Variants in RNF220 observed in about 807,000 individuals in gnomAD.
The protein encoded by RNF220 is ring finger protein 220.
Under a neutral mutation model 67.1 loss-of-function variants are expected in RNF220, and 7 were observed. That is an observed-to-expected ratio of 0.10 (90% CI 0.06 to 0.20). The LOEUF is 0.20. Ranked by LOEUF, RNF220 falls within the 10% of genes least tolerant of loss-of-function variation. The pLI is 1.00. For missense variants in RNF220, 565 were observed against 740.3 expected (o/e 0.76, Z 2.75); for synonymous variants, 270 against 283.2 (o/e 0.95, Z 0.47).
At chr1:44,475,637 A>G (rs1359582436) in intron 2 of RNF220, among the ~76,000 whole-genome samples, 2 of 151,666 alleles carry the variant, frequency 1.3e-5, no homozygotes, top group African/African-American at 4.9e-5. Flanking sequence ...AGGACTTTTC[A>G]GATTAATCAT....
chr1:44,457,651 T>C (rs888915568), intron 2 of RNF220, among the ~76,000 whole-genome samples: 3 of 152,158 alleles, frequency 2.0e-5, no homozygotes, highest in Non-Finnish European at 4.4e-5. Flanking sequence ...ATCTGCGTTT[T>C]AGGAAGATAG....
chr1:44,577,954 A>G (rs1371248555), intron 2 of RNF220, among the ~76,000 whole-genome samples: 1 of 150,036 alleles, frequency 6.7e-6, no homozygotes, highest in Non-Finnish European at 1.5e-5. Context: ...CTCTTACCTC[A>G]GCCTCCAGTC....
At chr1:44,505,133 C>G (rs1016501588) in intron 2 of RNF220, among the ~76,000 whole-genome samples, 1 of 152,216 alleles carries the variant, frequency 6.6e-6, no homozygotes, top group Non-Finnish European at 1.5e-5. Flanking sequence ...AGAGTTTGTC[C>G]CTCGTGCAGC....
chr1:44,633,693 T>C (rs567583635), intron 6 of RNF220, among the ~76,000 whole-genome samples: 2 of 152,318 alleles, frequency 1.3e-5, no homozygotes, highest in East Asian at 3.9e-4. Context: ...TCATTGAACA[T>C]TGTGGTATCA....
In RNF220 at chr1:44,509,396, A is replaced by G. The variant is rs527915567; in HGVS notation, c.625+96674A>G. On this transcript the variant is annotated intron_variant, in intron 2 of 14. Coordinates refer to ENST00000361799, the MANE Select transcript of RNF220 (RefSeq NM_018150.4). ...AAACCCCACCTCTACTAAAAATACAAAAAATTAGCCAGGCGTGGTGGTGGG... is the reference window on the plus strand; with the variant it reads ...AAACCCCACCTCTACTAAAAATACAGAAAATTAGCCAGGCGTGGTGGTGGG... Among the ~76,000 whole-genome samples the G allele has an allele frequency of 1.3e-3, 200 of 152,046 alleles. 3 individuals carry two copies. The highest frequency in any genetic ancestry group is 4.5e-3 in the African/African-American group (187 of 41,470).
At chr1:44,468,929 A>G (rs1654529499) in intron 2 of RNF220, among the ~76,000 whole-genome samples, 1 of 151,076 alleles carries the variant, frequency 6.6e-6, no homozygotes, top group Admixed American at 6.6e-5. Flanking sequence ...AAAAAAAAGA[A>G]TAGAATTGTT....
rs151320199 is a variant in RNF220 at position 44,503,287 on chromosome 1, T to C, written c.625+90565T>C. 3.3e-3 allele frequency among the ~76,000 whole-genome samples: 465 copies of C among 142,240 alleles called. 2 individuals are homozygous for C. The highest frequency in any genetic ancestry group is 0.012 in the African/African-American group (447 of 38,310). 93.3% of individuals were successfully genotyped at this position (142,240 alleles called of 152,430 possible). A position where few individuals can be genotyped will look rare whatever the true frequency, so the allele number is the denominator to read the frequency against. On this transcript the variant is annotated intron_variant, in intron 2 of 14. Coordinates refer to ENST00000361799, the MANE Select transcript of RNF220 (RefSeq NM_018150.4). ...AGGCAGAGGTTGCAGTGAACCGAGATTGCGCTACTGCACTCCAGCCTGGGT... is the reference window on the plus strand; with the variant it reads ...AGGCAGAGGTTGCAGTGAACCGAGACTGCGCTACTGCACTCCAGCCTGGGT...
chr1:44,412,417 C>T lies in RNF220; in HGVS notation c.320C>T (p.Thr107Ile). ...TTTGCTCCCCCAAATCTAGATTGCA[C>T]CCCAATCAGTATGCTGAATCATAGT... ...PQFAPPNLDCTPISMLNHSGV... is the reference protein window; with the variant it reads ...PQFAPPNLDCIPISMLNHSGV... The change falls in exon 2 of 15, where the codon ACC becomes ATC. Residue 107 changes from threonine to isoleucine, a missense_variant. Physicochemically the swap from Thr to Ile is moderately conservative, Grantham distance 89 (BLOSUM62 -1). Transcript: ENST00000361799. The surrounding 1 kb of genome is among the most constrained non-coding windows in gnomAD (Gnocchi z 5.3). 6.2e-7 allele frequency: 1 copy of T among 1,613,170 alleles called. No individual in the cohort carries two copies. Among genetic ancestry groups the T allele is most frequent in the Non-Finnish European group, 8.5e-7 (1 of 1,179,250 alleles).
intron 2 of RNF220, among the ~76,000 whole-genome samples, chr1:44,440,589 C>T (rs1651447895): frequency 6.6e-6 from 1 of 152,156 alleles, no homozygotes; most frequent in South Asian, 2.1e-4. Flanking sequence ...GACATTTGAC[C>T]AATATACAGC....
intron 2 of RNF220, among the ~76,000 whole-genome samples, chr1:44,422,969 C>T (rs768179747): frequency 6.6e-6 from 1 of 152,192 alleles, no homozygotes. Context: ...GTATTTACTG[C>T]ATACCTACAT....
intron 2 of RNF220, among the ~76,000 whole-genome samples, chr1:44,491,726 T>C (rs990963430): frequency 4.6e-5 from 7 of 151,992 alleles, no homozygotes; most frequent in African/African-American, 1.4e-4. Flanking sequence ...TGCAGTGGCA[T>C]GATCTCAGCT....
chr1:44,569,161 C>T (rs555619419), intron 2 of RNF220, among the ~76,000 whole-genome samples: 1 of 152,116 alleles, frequency 6.6e-6, no homozygotes, highest in Admixed American at 6.5e-5. Flanking sequence ...GCACTGTCTC[C>T]CCAAGGGAGA....
intron 2 of RNF220, among the ~76,000 whole-genome samples, chr1:44,432,490 G>A (rs1009611281): frequency 3.3e-5 from 5 of 152,026 alleles, no homozygotes; most frequent in South Asian, 2.1e-4. Flanking sequence ...AGCCTGTTTC[G>A]AATTCCTGAT....
intron 2 of RNF220, among the ~76,000 whole-genome samples, chr1:44,560,753 G>A (rs939475666): frequency 1.1e-4 from 16 of 151,904 alleles, no homozygotes; most frequent in African/African-American, 3.9e-4. Context: ...ATAGAGATGG[G>A]GTTTCACCAT....
Position 44,650,437 on chromosome 1 carries a change from C to A in RNF220, c.1630-267C>A. On this transcript the variant is annotated intron_variant, in intron 14 of 14. Coordinates refer to ENST00000361799, the MANE Select transcript of RNF220 (RefSeq NM_018150.4). This position sits in a 1 kb window ranked among gnomAD's most constrained non-coding sequence, Gnocchi z 4.3. ...AAGGCCGCGTGTAATCTCGTTAGGG[C>A]TGCGGCTGCCACAGCTGGACCCAGC... 1 of 549,772 alleles carries A rather than the reference C, an allele frequency of 1.8e-6. No individual in the cohort carries two copies. The highest frequency in any genetic ancestry group is 3.3e-6 in the Non-Finnish European group (1 of 304,440). The allele number at this position is 549,772 out of a possible 1,614,324, so 34.1% of individuals were successfully genotyped here. A position where few individuals can be genotyped will look rare whatever the true frequency, so the allele number is the denominator to read the frequency against.
chr1:44,527,407 A>G (rs1046638002), intron 2 of RNF220, among the ~76,000 whole-genome samples: 3 of 152,208 alleles, frequency 2.0e-5, no homozygotes, highest in African/African-American at 7.2e-5. Context: ...GGAGTAAATA[A>G]GTAAAACTTG....
chr1:44,568,276 C>T (rs1452715761), intron 2 of RNF220, among the ~76,000 whole-genome samples: 4 of 152,222 alleles, frequency 2.6e-5, no homozygotes, highest in Non-Finnish European at 2.9e-5. Flanking sequence ...CTGCACTCAT[C>T]CCCACCTCAC....
At chr1:44,634,139 C>T (rs1436198642) in intron 6 of RNF220, among the ~76,000 whole-genome samples, 4 of 152,222 alleles carry the variant, frequency 2.6e-5, no homozygotes, top group Non-Finnish European at 5.9e-5. Context: ...CTGCCTCAGG[C>T]TCACAACAGG....
At chr1:44,489,040 T>C (rs1656613950) in intron 2 of RNF220, among the ~76,000 whole-genome samples, 1 of 152,178 alleles carries the variant, frequency 6.6e-6, no homozygotes, top group African/African-American at 2.4e-5. Flanking sequence ...TCTATTCTAT[T>C]GTATTTAATT....
Sources: allele counts gnomAD v4.1 joint callset (sites outside exome capture counted in the v4.1 genomes callset), GRCh38; gene constraint gnomAD v4.1.1; non-coding constraint Gnocchi (gnomAD v3.1); transcripts MANE v1.5; gene names NCBI Gene and HGNC (gene_info 2026-07-23, HGNC 2026-07-21).